The following CTNND2 variants were observed in gnomAD, a reference collection of about 807,000 sequenced individuals.
CTNND2 encodes catenin delta-2.
Under a neutral mutation model 144.4 loss-of-function variants are expected in CTNND2, and 22 were observed. That is an observed-to-expected ratio of 0.15 (90% confidence interval 0.11 to 0.22). The LOEUF (loss-of-function observed/expected upper bound fraction) is 0.22. CTNND2 is among the 10% of genes least tolerant of loss of function. CTNND2 has a pLI of 1.00. For synonymous variants in CTNND2, 751 were observed against 695.6 expected (o/e 1.08, Z -1.25); for missense variants, 1,353 against 1,618.8 (o/e 0.84, Z 2.82).
chr5:11,610,159 T>G (rs1002914296), intron 2 of CTNND2, among the ~76,000 whole-genome samples: 2 of 152,192 alleles, frequency 1.3e-5, no homozygotes, highest in Non-Finnish European at 2.9e-5. Flanking sequence ...GCTTGGCTGT[T>G]CCCTGGGAAT....
intron 9 of CTNND2, among the ~76,000 whole-genome samples, chr5:11,276,492 G>A (rs1746540561): frequency 6.6e-6 from 1 of 152,054 alleles, no homozygotes; most frequent in Non-Finnish European, 1.5e-5. Context: ...CAGCCCTGGG[G>A]CTCATCCTGG....
intron 12 of CTNND2, among the ~76,000 whole-genome samples, chr5:11,119,408 GATAAT>G (rs1272125148): frequency 6.6e-6 from 1 of 152,076 alleles, no homozygotes; most frequent in Non-Finnish European, 1.5e-5. Context: ...CAGCTTCCTA[GATAAT>G]ATAACTAGGC....
chr5:11,028,239 G>A (rs138273693), intron 16 of CTNND2, among the ~76,000 whole-genome samples: 365 of 152,188 alleles, frequency 2.4e-3, no homozygotes, highest in Non-Finnish European at 3.1e-3. Flanking sequence ...GAGCAACCCC[G>A]GATGAGAAAC....
At chr5:11,896,975 C>G (rs1646911835) in intron 1 of CTNND2, among the ~76,000 whole-genome samples, 2 of 152,172 alleles carry the variant, frequency 1.3e-5, no homozygotes, top group Admixed American at 6.5e-5. Flanking sequence ...CCAGATGCTA[C>G]AAGCCCCAGC....
chr5:11,853,281 C>T (rs1338255879), intron 1 of CTNND2, among the ~76,000 whole-genome samples: 1 of 152,134 alleles, frequency 6.6e-6, no homozygotes, highest in African/African-American at 2.4e-5. Context: ...CAGGCACAGC[C>T]AAGCTCTTCC....
intron 11 of CTNND2, among the ~76,000 whole-genome samples, chr5:11,194,413 A>G (rs1457497056): frequency 6.6e-6 from 1 of 152,184 alleles, no homozygotes; most frequent in Non-Finnish European, 1.5e-5. Context: ...AACAACTCAG[A>G]AGAATCTCCA....
intron 2 of CTNND2, among the ~76,000 whole-genome samples, chr5:11,677,762 A>G (rs1477580369): frequency 6.6e-6 from 1 of 152,188 alleles, no homozygotes. Flanking sequence ...TTTTGATCAC[A>G]GTTGTGTGTG....
At chr5:11,383,283 T>C (rs976856727) in intron 7 of CTNND2, among the ~76,000 whole-genome samples, 1 of 151,878 alleles carries the variant, frequency 6.6e-6, no homozygotes, top group Non-Finnish European at 1.5e-5. Flanking sequence ...TGTCATGGAG[T>C]CTCGTAAGAA....
intron 9 of CTNND2, among the ~76,000 whole-genome samples, chr5:11,246,805 G>T (rs1272166544): frequency 1.3e-5 from 2 of 152,046 alleles, no homozygotes; most frequent in African/African-American, 4.8e-5. Context: ...CTGAGTGGAG[G>T]GAACATTCCA....
intron 9 of CTNND2, among the ~76,000 whole-genome samples, chr5:11,331,051 C>T (rs537826884): frequency 2.0e-5 from 3 of 152,210 alleles, no homozygotes; most frequent in African/African-American, 4.8e-5. Context: ...GAAACGTTTC[C>T]GTTTATCTAA....
At chr5:11,728,802 A>T (rs1257842489) in intron 2 of CTNND2, among the ~76,000 whole-genome samples, 3 of 151,972 alleles carry the variant, frequency 2.0e-5, no homozygotes, top group Non-Finnish European at 4.4e-5. Flanking sequence ...TTTCATCTAT[A>T]TTTTTTTCTA....
chr5:11,417,486 A>G (rs1011765867), intron 3 of CTNND2, among the ~76,000 whole-genome samples: 1 of 152,234 alleles, frequency 6.6e-6, no homozygotes, highest in Non-Finnish European at 1.5e-5. Flanking sequence ...TTTAAAATGA[A>G]ATAGAAGAGA....
At chr5:11,608,182 A>G (rs1246147053) in intron 2 of CTNND2, among the ~76,000 whole-genome samples, 1 of 152,224 alleles carries the variant, frequency 6.6e-6, no homozygotes, top group Non-Finnish European at 1.5e-5. Flanking sequence ...TATGATTCAT[A>G]GAAACCCAGA....
chr5:11,382,597 G>A (rs1204963045), intron 7 of CTNND2, among the ~76,000 whole-genome samples: 1 of 29,920 alleles, frequency 3.3e-5, no homozygotes, highest in African/African-American at 9.2e-5. Context: ...GTGAGACTCT[G>A]TGTGTGTGTG....
intron 3 of CTNND2, among the ~76,000 whole-genome samples, chr5:11,499,357 C>G (rs1341063071): frequency 6.6e-6 from 1 of 152,196 alleles, no homozygotes; most frequent in African/African-American, 2.4e-5. Context: ...CATTGCCCTA[C>G]AGGCTTAGTG....
intron 9 of CTNND2, among the ~76,000 whole-genome samples, chr5:11,301,828 G>T (rs925130634): frequency 2.0e-5 from 3 of 152,172 alleles, no homozygotes; most frequent in African/African-American, 7.2e-5. Context: ...GGGAAAAATA[G>T]ATTCAAATTT....
intron 12 of CTNND2, among the ~76,000 whole-genome samples, chr5:11,154,361 C>A (rs529317160): frequency 2.2e-4 from 33 of 152,294 alleles, no homozygotes; most frequent in Admixed American, 5.2e-4. Context: ...TGGATATGAA[C>A]CTTCTTTGGC....
At chr5:11,741,330 A>G (rs1787992715) in intron 1 of CTNND2, among the ~76,000 whole-genome samples, 1 of 152,202 alleles carries the variant, frequency 6.6e-6, no homozygotes, top group Non-Finnish European at 1.5e-5. Context: ...TATGTCCATC[A>G]ATGATAGACT....
chr5:11,535,002 C>T (rs1774084317), intron 3 of CTNND2, among the ~76,000 whole-genome samples: 1 of 152,066 alleles, frequency 6.6e-6, no homozygotes, highest in Non-Finnish European at 1.5e-5. Flanking sequence ...GCCTGGCCAA[C>T]ATGACGAAAC....
Sources: gnomAD v4.1 joint callset for allele counts (sites outside exome capture counted in the v4.1 genomes callset) on GRCh38, gnomAD v4.1.1 for gene constraint, MANE v1.5 for transcripts, NCBI Gene and HGNC (gene_info 2026-07-23, HGNC 2026-07-21) for gene names.